RAD50: variants seen among roughly 807,000 people sequenced by gnomAD.
RAD50 encodes the protein RAD50 double strand break repair protein, also known as DNA repair protein RAD50.
Under a neutral mutation model 168.8 loss-of-function variants are expected in RAD50, and 132 were observed. The ratio of observed to expected loss-of-function variants is 0.78; its 90% confidence interval spans 0.68 to 0.90. The LOEUF (loss-of-function observed/expected upper bound fraction) is 0.90. Among genes scored for constraint, RAD50 ranks in the 40% least tolerant of loss-of-function variants. RAD50 has a pLI of 0.00. For synonymous variants in RAD50, 525 were observed against 497.4 expected (o/e 1.06, Z -0.74); for missense variants, 1,347 against 1,534.4 (o/e 0.88, Z 2.04).
In RAD50 at chr5:132,609,220, A is replaced by G. The variant is rs1279975546; in HGVS notation, c.2922+11A>G. The G allele has an allele frequency of 1.2e-6, 2 of 1,608,168 alleles. No individual in the cohort carries two copies. The highest frequency in any genetic ancestry group is 1.7e-6 in the Non-Finnish European group (2 of 1,177,066). On this transcript the variant is annotated intron_variant, in intron 18 of 24. Transcript: ENST00000378823. ...GACGACTATAAGAAGGTAATTTAAA[A>G]CTTAAAATTATTTATTTGATTGTAT...
chr5:132,583,218 G>A (rs894967605), intron 5 of RAD50, among the ~76,000 whole-genome samples: 2 of 152,100 alleles, frequency 1.3e-5, no homozygotes, highest in African/African-American at 4.8e-5. Context: ...ACTAACCCGA[G>A]TGCTTTAAAA....
intron 2 of RAD50, among the ~76,000 whole-genome samples, chr5:132,564,562 A>G (rs1750175478): frequency 1.3e-5 from 2 of 152,242 alleles, no homozygotes; most frequent in Admixed American, 6.5e-5. Context: ...ACTGGAACTT[A>G]TATTTAAAAG....
At position 132,588,716 on chromosome 5, in the gene RAD50, C is replaced by T. The variant is rs1580992695; in HGVS notation, c.1081C>T (p.Gln361Ter). 1.2e-6 allele frequency: 2 copies of T among 1,613,730 alleles called. No homozygotes were observed. The highest frequency in any genetic ancestry group is 1.7e-6 in the Non-Finnish European group (2 of 1,179,900). The stretch of plus-strand genomic sequence containing the variant: ...TCTACAGCTGCAAGCAGATCGCCAT[C>T]AAGAACATATCCGAGCTAGAGATTC... ...GRLQLQADRH[Q>*]EHIRARDSLI... is the part of the protein sequence containing the mutation. The change falls in exon 8 of 25, where the codon CAA becomes TAA. Residue 361 changes from glutamine to a stop codon, truncating the protein, a stop_gained. Coordinates refer to ENST00000378823, the MANE Select transcript of RAD50 (RefSeq NM_005732.4). LOFTEE classifies it high-confidence loss of function.
intron 3 of RAD50, among the ~76,000 whole-genome samples, chr5:132,578,377 T>A (rs771428127): frequency 1.3e-5 from 2 of 152,196 alleles, no homozygotes; most frequent in Non-Finnish European, 2.9e-5. Flanking sequence ...GGAATCTGTT[T>A]CCATCTCTAC....
At position 132,603,292 on chromosome 5, in the gene RAD50, C is replaced by T. The variant is rs1750919261; in HGVS notation, c.2208-8C>T. The T allele has an allele frequency of 2.5e-6, 4 of 1,604,064 alleles. No individual in the cohort carries two copies. The highest frequency in any genetic ancestry group is 3.4e-6 in the Non-Finnish European group (4 of 1,172,848). On this transcript the variant is annotated splice_polypyrimidine_tract_variant and splice_region_variant and intron_variant, in intron 13 of 24. Coordinates refer to ENST00000378823, the MANE Select transcript of RAD50 (RefSeq NM_005732.4). ...GATACTTTATTTTTAATTGTGTTTT[C>T]TATTTAGGCAAAGCATAATTGATTT...
chr5:132,596,333 T>C (rs1750791780), intron 13 of RAD50, among the ~76,000 whole-genome samples: 1 of 152,212 alleles, frequency 6.6e-6, no homozygotes, highest in Non-Finnish European at 1.5e-5. Flanking sequence ...AGACACAGTC[T>C]TTACGTTCTT....
rs1751040039 is a variant in RAD50 at position 132,609,209 on chromosome 5, G to A, written c.2922G>A (p.Lys974=). The change falls in exon 18 of 25, where the codon AAG becomes AAA. Residue 974 remains lysine, a splice_region_variant and synonymous_variant. Transcript: ENST00000378823. ...AAGATGGGAAAGACGACTATAAGAA[G>A]GTAATTTAAAACTTAAAATTATTTA... ...YIQDGKDDYK[K]QKETELNKVI... is the part of the protein sequence containing the mutation. 1 of 1,610,106 alleles carries A rather than the reference G, an allele frequency of 6.2e-7. No individual in the cohort carries two copies. Among genetic ancestry groups the A allele is most frequent in the South Asian group, 1.1e-5 (1 of 89,764 alleles).
chr5:132,589,754 C>G lies in RAD50; in HGVS notation c.1369C>G (p.Leu457Val), dbSNP rs876660042. 6.2e-7 allele frequency: 1 copy of G among 1,613,570 alleles called. No homozygotes were observed. Among genetic ancestry groups the G allele is most frequent in the South Asian group, 1.1e-5 (1 of 91,034 alleles). The change falls in exon 9 of 25, where the codon CTG becomes GTG. Residue 457 changes from leucine (L) to valine (V), a missense_variant. Around this residue, in one of 3 missense-constraint regions of RAD50, gnomAD observed 703 missense variants for 767.7 expected, o/e 0.92. Coordinates refer to ENST00000378823, the MANE Select transcript of RAD50 (RefSeq NM_005732.4). ...SEILSKKQNE[L>V]KNVKYELQQL... ...AATCCTAAGTAAGAAGCAGAATGAGCTGAAAAATGTGAAGTATGAATTACA... is the reference window on the plus strand; with the variant it reads ...AATCCTAAGTAAGAAGCAGAATGAGGTGAAAAATGTGAAGTATGAATTACA...
At chr5:132,583,652 G>A (rs1235942763) in intron 5 of RAD50, among the ~76,000 whole-genome samples, 10 of 149,916 alleles carry the variant, frequency 6.7e-5, no homozygotes, top group African/African-American at 2.4e-4. Flanking sequence ...TTGTGTCTGG[G>A]ATTTATCTAT....
In RAD50 at chr5:132,642,230, C is replaced by T. The variant is rs876659730; in HGVS notation, c.3805C>T (p.His1269Tyr). 1 of 1,614,142 alleles carries T rather than the reference C, an allele frequency of 6.2e-7. No individual in the cohort carries two copies. The highest frequency in any genetic ancestry group is 8.5e-7 in the Non-Finnish European group (1 of 1,179,988). ...TAACTTCCAGCTTCTGGTAATCACTCATGATGAAGATTTTGTGGAGCTTTT... is the reference window on the plus strand; with the variant it reads ...TAACTTCCAGCTTCTGGTAATCACTTATGATGAAGATTTTGTGGAGCTTTT... The part of the protein sequence containing the change: ...QRNFQLLVIT[H>Y]DEDFVELLGR... The change falls in exon 25 of 25, where the codon CAT becomes TAT. Residue 1269 changes from histidine (H) to tyrosine (Y), a missense_variant. By Grantham distance (83) the His-to-Tyr change is moderately conservative. Coordinates refer to ENST00000378823, the MANE Select transcript of RAD50 (RefSeq NM_005732.4).
At chr5:132,621,007 G>A (rs1416756763) in intron 21 of RAD50, among the ~76,000 whole-genome samples, 1 of 152,102 alleles carries the variant, frequency 6.6e-6, no homozygotes, top group African/African-American at 2.4e-5. Context: ...GGCAGAGGTG[G>A]AAGAAAATCT....
At chr5:132,591,430 A>C in intron 10 of RAD50, 24 bp downstream of exon 10, 1 of 1,598,628 alleles carries the variant, frequency 6.3e-7, no homozygotes, top group African/African-American at 1.3e-5. Flanking sequence ...TTTTGTTCTA[A>C]TTATACTGTC....
At position 132,579,931 on chromosome 5, in the gene RAD50, A is replaced by G. The variant is rs768781901; in HGVS notation, c.621A>G (p.Gln207=). 2 of 1,612,226 alleles carry G rather than the reference A, an allele frequency of 1.2e-6. No individual in the cohort carries two copies. Among genetic ancestry groups the G allele is most frequent in the Non-Finnish European group, 1.7e-6 (2 of 1,178,300 alleles). The change falls in exon 5 of 25, where the codon CAA becomes CAG. Residue 207 remains glutamine, a synonymous_variant. Coordinates refer to ENST00000378823, the MANE Select transcript of RAD50 (RefSeq NM_005732.4). ...QTQGQKVKEY[Q]MELKYLKQYK... Reference sequence around the variant, plus strand: ...AAGGTCAGAAAGTAAAAGAATATCAAATGGAACTAAAATATCTGAAGCAAT... The same window carrying G: ...AAGGTCAGAAAGTAAAAGAATATCAGATGGAACTAAAATATCTGAAGCAAT...
intron 15 of RAD50, 58 bp downstream of exon 15, chr5:132,604,104 C>T: frequency 6.3e-7 from 1 of 1,587,408 alleles, no homozygotes; most frequent in South Asian, 1.1e-5. Context: ...GAGCACATGC[C>T]TTTTACAGTC....
chr5:132,581,720 G>A (rs1400641399), intron 5 of RAD50, among the ~76,000 whole-genome samples: 5 of 152,078 alleles, frequency 3.3e-5, no homozygotes, highest in Admixed American at 2.0e-4. Context: ...AATATGAATC[G>A]GGGTCAGATT....
In RAD50 at chr5:132,592,183, G is replaced by A. The variant is rs186859539; in HGVS notation, c.1793+149G>A. 261 of 843,996 alleles carry A rather than the reference G, an allele frequency of 3.1e-4. 2 individuals carry two copies. The highest frequency in any genetic ancestry group is 2.6e-3 in the Middle Eastern group (7 of 2,738). 52.3% of individuals were successfully genotyped at this position (843,996 alleles called of 1,614,324 possible). On this transcript the variant is annotated intron_variant, in intron 11 of 24. Transcript: ENST00000378823. ...ACAAGGAGACTTCAGAAAGTTCATG[G>A]AAAAATGGAATTAAAAGATAAAAAT...
At chr5:132,615,910 C>A in intron 19 of RAD50, 93 bp from the exon 20 acceptor site, 1 of 1,197,980 alleles carries the variant, frequency 8.3e-7, no homozygotes, top group Non-Finnish European at 1.2e-6. Context: ...CTAAGTAAGA[C>A]AGAAATGGCA....
chr5:132,591,785 T>C (rs945577427), intron 10 of RAD50, 92 bp from the exon 11 acceptor site: 1 of 934,660 alleles, frequency 1.1e-6, no homozygotes, highest in Admixed American at 2.8e-5. Flanking sequence ...GTTTTAAGCT[T>C]AGAACTTTAG....
chr5:132,591,511 AT>A, intron 10 of RAD50, 105 bp downstream of exon 10: 1 of 1,144,334 alleles, frequency 8.7e-7, no homozygotes, highest in Non-Finnish European at 1.3e-6. Context: ...TATTGACTAT[AT>A]TTTAGAGGCT....
Sources: allele counts gnomAD v4.1 joint callset (sites outside exome capture counted in the v4.1 genomes callset), GRCh38; gene constraint gnomAD v4.1.1; regional missense constraint gnomAD v4.1.1; transcripts MANE v1.5; gene names NCBI Gene and HGNC (gene_info 2026-07-23, HGNC 2026-07-21).